Variants in ATRNL1 observed in about 807,000 individuals in gnomAD.
The protein encoded by ATRNL1 is attractin-like protein 1.
ATRNL1 carries 95 observed loss-of-function variants against 182.7 expected under a neutral mutation model. That is an observed-to-expected ratio of 0.52 (90% CI 0.44 to 0.62). The LOEUF (loss-of-function observed/expected upper bound fraction) is 0.62. Ranked by LOEUF, ATRNL1 falls within the 20% of genes least tolerant of loss-of-function variation. The pLI is 0.00. For synonymous variants in ATRNL1, 576 were observed against 568.3 expected (o/e 1.01, Z -0.19); for missense variants, 1,471 against 1,679.5 (o/e 0.88, Z 2.17).
At chr10:115,416,155 T>C (rs1291771623) in intron 20 of ATRNL1, among the ~76,000 whole-genome samples, 1 of 152,096 alleles carries the variant, frequency 6.6e-6, no homozygotes, top group Admixed American at 6.5e-5. Context: ...ATTCTGATGA[T>C]GTTGAGGTGT....
At chr10:115,850,077 A>T (rs1481306398) in intron 28 of ATRNL1, among the ~76,000 whole-genome samples, 1 of 152,186 alleles carries the variant, frequency 6.6e-6, no homozygotes, top group Non-Finnish European at 1.5e-5. Context: ...AAGCTCTTAG[A>T]GGAGTAAGAC....
intron 24 of ATRNL1, among the ~76,000 whole-genome samples, chr10:115,470,802 G>A (rs1437002113): frequency 1.3e-5 from 2 of 150,636 alleles, no homozygotes; most frequent in African/African-American, 4.8e-5. Context: ...GACAAGATAC[G>A]TAGGCCTAAT....
intron 10 of ATRNL1, among the ~76,000 whole-genome samples, chr10:115,243,654 T>C (rs1554903459): frequency 2.0e-5 from 3 of 152,094 alleles, no homozygotes; most frequent in Admixed American, 1.3e-4. Context: ...TGGCAACAAA[T>C]TACCTTATTC....
intron 24 of ATRNL1, among the ~76,000 whole-genome samples, chr10:115,508,710 G>C (rs1327808329): frequency 1.3e-5 from 2 of 152,038 alleles, no homozygotes; most frequent in Non-Finnish European, 2.9e-5. Flanking sequence ...AAGTCTGAGA[G>C]AGGTGAGGAA....
At chr10:115,443,536 G>A (rs1017596407) in intron 21 of ATRNL1, among the ~76,000 whole-genome samples, 7 of 151,712 alleles carry the variant, frequency 4.6e-5, no homozygotes, top group Non-Finnish European at 7.4e-5. Context: ...TTATATATTT[G>A]TTTTTAAGCC....
chr10:115,769,375 G>A (rs1436881827), intron 27 of ATRNL1, among the ~76,000 whole-genome samples: 2 of 152,134 alleles, frequency 1.3e-5, no homozygotes, highest in Non-Finnish European at 2.9e-5. Flanking sequence ...CAACAACACT[G>A]TGGGCTCAGA....
At chr10:115,499,576 C>T (rs1394500236) in intron 24 of ATRNL1, among the ~76,000 whole-genome samples, 1 of 152,096 alleles carries the variant, frequency 6.6e-6, no homozygotes, top group Non-Finnish European at 1.5e-5. Flanking sequence ...AGACATAAGA[C>T]ATTAACATAT....
chr10:115,141,808 CA>C, intron 5 of ATRNL1, among the ~76,000 whole-genome samples: 1 of 152,048 alleles, frequency 6.6e-6, no homozygotes, highest in East Asian at 1.9e-4. Flanking sequence ...TCCCACTTAG[CA>C]AAAACAGCAG....
intron 15 of ATRNL1, among the ~76,000 whole-genome samples, chr10:115,296,186 A>C (rs78363742): frequency 0.013 from 1,948 of 152,214 alleles, 39 homozygotes; most frequent in African/African-American, 0.044. Context: ...ACACGAAGTC[A>C]CTGCTGATCC....
chr10:115,155,333 A>G (rs1206681957), intron 5 of ATRNL1, among the ~76,000 whole-genome samples: 1 of 152,058 alleles, frequency 6.6e-6, no homozygotes, highest in Non-Finnish European at 1.5e-5. Context: ...TGGGGACTTA[A>G]TTATACTTAA....
rs1464776423 is a variant in ATRNL1, at chr10:115,165,588, A to G, written c.1035A>G (p.Val345=). The change falls in exon 7 of 29, where the codon GTA becomes GTG. Residue 345 remains valine, a synonymous_variant. Transcript: ENST00000355044. ...ATTTAGAAAGCAGTATATGGAATGT[A>G]GGAACTCCATCAAGGGGACCTCTCC... The part of the protein sequence containing the change: ...NYNLESSIWN[V]GTPSRGPLQR... 8 of 1,539,998 alleles carry G rather than the reference A, an allele frequency of 5.2e-6. No homozygotes were observed. The highest frequency in any genetic ancestry group is 1.7e-5 in the Admixed American group (1 of 57,894).
At chr10:115,210,928 C>A (rs2144374065) in intron 8 of ATRNL1, among the ~76,000 whole-genome samples, 1 of 151,830 alleles carries the variant, frequency 6.6e-6, no homozygotes, top group Non-Finnish European at 1.5e-5. Flanking sequence ...ATATCATTAT[C>A]TTGAGTATCG....
chr10:115,366,705 G>T (rs2134177141), intron 19 of ATRNL1, among the ~76,000 whole-genome samples: 1 of 151,802 alleles, frequency 6.6e-6, no homozygotes, highest in East Asian at 1.9e-4. Flanking sequence ...CTCTTTTAGG[G>T]CAGGCCTGGT....
chr10:115,093,394 CCG>C lies in ATRNL1; in HGVS notation c.-350_-349del, dbSNP rs1232073740. The C allele has an allele frequency of 4.8e-6, 1 of 207,144 alleles. No homozygotes were observed. The highest frequency in any genetic ancestry group is 2.4e-5 in the African/African-American group (1 of 41,874). 12.8% of individuals were successfully genotyped at this position (207,144 alleles called of 1,614,324 possible). ...GGCGCGGGCCGCGGGCGAGGCGGGG[CCG>C]CGCGCGGGGTCCCCTCCTCCTGCCG... is the stretch of plus-strand genomic sequence containing the variant. On this transcript the variant is annotated 5_prime_UTR_variant, in exon 1 of 29. Coordinates refer to ENST00000355044, the MANE Select transcript of ATRNL1 (RefSeq NM_207303.4). This position sits in a 1 kb window ranked among gnomAD's most constrained non-coding sequence, Gnocchi z 6.1.
intron 26 of ATRNL1, among the ~76,000 whole-genome samples, chr10:115,669,642 A>G (rs1201649064): frequency 6.6e-6 from 1 of 152,126 alleles, no homozygotes; most frequent in Non-Finnish European, 1.5e-5. Flanking sequence ...GCTTTGTAAC[A>G]GTAGACCAGG....
At chr10:115,123,292 C>T (rs946364716) in intron 3 of ATRNL1, among the ~76,000 whole-genome samples, 60 of 151,984 alleles carry the variant, frequency 3.9e-4, no homozygotes, top group Non-Finnish European at 8.8e-5. Flanking sequence ...ACAAAGATCT[C>T]GTTGGGGGAG....
chr10:115,094,012 G>C lies in ATRNL1; in HGVS notation c.262G>C (p.Asp88His). 3.8e-6 allele frequency: 6 copies of C among 1,575,032 alleles called. No homozygotes were observed. Among genetic ancestry groups the C allele is most frequent in the Non-Finnish European group, 1.7e-6 (2 of 1,162,192 alleles). ...CCTCTGCGACCCGGGCTGGGTGGGG[G>C]ACCAGTGCCAGCACTGCCAGGGCAG... ...TCLCDPGWVGDQCQHCQGRFK... is the reference protein window; with the variant it reads ...TCLCDPGWVGHQCQHCQGRFK... Residue 88 changes from aspartate (D) to histidine (H), a missense_variant, in exon 1 of 29, where the codon GAC becomes CAC. Transcript: ENST00000355044.
intron 26 of ATRNL1, among the ~76,000 whole-genome samples, chr10:115,695,266 T>G (rs782042176): frequency 1.3e-5 from 2 of 152,160 alleles, no homozygotes; most frequent in Non-Finnish European, 2.9e-5. Context: ...TGCTCATCAG[T>G]CAGGTCCAAA....
intron 18 of ATRNL1, among the ~76,000 whole-genome samples, chr10:115,318,878 T>C (rs929118389): frequency 5.1e-4 from 78 of 152,160 alleles, no homozygotes; most frequent in African/African-American, 1.8e-3. Context: ...GGGTTTTTCA[T>C]GTCTCTATCT....
Sources: allele counts gnomAD v4.1 joint callset (sites outside exome capture counted in the v4.1 genomes callset), GRCh38; gene constraint gnomAD v4.1.1; non-coding constraint Gnocchi (gnomAD v3.1); transcripts MANE v1.5; gene names NCBI Gene and HGNC (gene_info 2026-07-23, HGNC 2026-07-21).